DENND1A: variants seen among roughly 807,000 people sequenced by gnomAD.
DENND1A encodes DENN domain-containing protein 1A.
In DENND1A, 51 loss-of-function variants were observed where a neutral mutation model predicts 113.7. The observed-to-expected ratio is 0.45, with a 90% CI of 0.36 to 0.57. The LOEUF is 0.57. Ranked by LOEUF, DENND1A falls within the 20% of genes least tolerant of loss-of-function variation. The pLI is 0.00. For synonymous variants in DENND1A, 565 were observed against 570.8 expected, an observed-to-expected ratio of 0.99 and a Z score of 0.14; for missense variants, 1,258 against 1,395.9, an observed-to-expected ratio of 0.90 and a Z score of 1.57.
At chr9:123,542,608 C>G (rs1034738983) in intron 13 of DENND1A, among the ~76,000 whole-genome samples, 1 of 152,120 alleles carries the variant, frequency 6.6e-6, no homozygotes, top group African/African-American at 2.4e-5. Context: ...AGCTGGTTTC[C>G]GCTTGGTTTG....
chr9:123,882,607 C>T (rs1188702384), intron 1 of DENND1A, among the ~76,000 whole-genome samples: 1 of 152,174 alleles, frequency 6.6e-6, no homozygotes, highest in African/African-American at 2.4e-5. Flanking sequence ...TACTGCAGCA[C>T]CCTCCTGATG....
intron 2 of DENND1A, among the ~76,000 whole-genome samples, chr9:123,806,278 CAG>C (rs1344898733): frequency 1.4e-5 from 2 of 146,604 alleles, no homozygotes; most frequent in African/African-American, 5.1e-5. Flanking sequence ...TTTATTGAGA[CAG>C]AGTCTCGCTC....
intron 1 of DENND1A, among the ~76,000 whole-genome samples, chr9:123,885,920 C>T (rs1175841457): frequency 1.3e-5 from 2 of 152,142 alleles, no homozygotes; most frequent in Non-Finnish European, 2.9e-5. Context: ...GCTGGGATTA[C>T]AGGCACCTGC....
intron 4 of DENND1A, among the ~76,000 whole-genome samples, chr9:123,760,572 G>C (rs2070953151): frequency 6.6e-6 from 1 of 152,212 alleles, no homozygotes; most frequent in South Asian, 2.1e-4. Context: ...TACACAGCCA[G>C]GAGAAGAAAC....
intron 5 of DENND1A, among the ~76,000 whole-genome samples, chr9:123,696,632 G>C (rs1168318273): frequency 6.8e-6 from 1 of 147,126 alleles, no homozygotes; most frequent in Non-Finnish European, 1.5e-5. Context: ...GGAGGAGACA[G>C]AGTTTATTCT....
intron 13 of DENND1A, among the ~76,000 whole-genome samples, chr9:123,533,906 T>C (rs1334848233): frequency 6.6e-6 from 1 of 152,226 alleles, no homozygotes; most frequent in African/African-American, 2.4e-5. Flanking sequence ...TCAAGTCATA[T>C]TTCAAGATCC....
intron 13 of DENND1A, among the ~76,000 whole-genome samples, chr9:123,507,993 C>G (rs1211587966): frequency 6.6e-6 from 1 of 152,134 alleles, no homozygotes; most frequent in African/African-American, 2.4e-5. Flanking sequence ...CTTTCAAGTT[C>G]TAGCATCAAA....
intron 2 of DENND1A, among the ~76,000 whole-genome samples, chr9:123,864,473 G>A (rs1040369238): frequency 6.6e-6 from 1 of 152,192 alleles, no homozygotes; most frequent in Non-Finnish European, 1.5e-5. Flanking sequence ...GGCTGACGCC[G>A]AGGCCCGGGG....
intron 2 of DENND1A, among the ~76,000 whole-genome samples, chr9:123,808,268 T>C (rs1166950193): frequency 6.6e-6 from 1 of 151,890 alleles, no homozygotes; most frequent in South Asian, 2.1e-4. Context: ...AAACCTATCA[T>C]CTTAATCATT....
chr9:123,494,909 A>G (rs1294401566), intron 13 of DENND1A, among the ~76,000 whole-genome samples: 2 of 152,054 alleles, frequency 1.3e-5, no homozygotes, highest in Middle Eastern at 3.2e-3. Context: ...CTCATGCCTC[A>G]GCCTCCTGAG....
intron 5 of DENND1A, among the ~76,000 whole-genome samples, chr9:123,679,978 G>A (rs2064336934): frequency 6.6e-6 from 1 of 152,116 alleles, no homozygotes; most frequent in Admixed American, 6.5e-5. Flanking sequence ...TCTGTCCAAG[G>A]CTGTGGCACA....
At chr9:123,627,736 T>C (rs1392871102) in intron 10 of DENND1A, among the ~76,000 whole-genome samples, 1 of 116,702 alleles carries the variant, frequency 8.6e-6, no homozygotes, top group East Asian at 2.4e-4. Flanking sequence ...CAAAACTCTG[T>C]CTCAAAAAAA....
At chr9:123,840,229 T>C (rs754011235) in intron 2 of DENND1A, among the ~76,000 whole-genome samples, 4 of 152,098 alleles carry the variant, frequency 2.6e-5, no homozygotes, top group Non-Finnish European at 5.9e-5. Context: ...CTGGACATCA[T>C]TAAAATGTAA....
chr9:123,884,380 T>A (rs1388603439), intron 1 of DENND1A, among the ~76,000 whole-genome samples: 2 of 152,124 alleles, frequency 1.3e-5, no homozygotes. Flanking sequence ...TGGACCCAAG[T>A]TTTCCCAGAA....
At chr9:123,611,171 T>TTTCTTC (rs377467993) in intron 10 of DENND1A, among the ~76,000 whole-genome samples, 1 of 152,108 alleles carries the variant, frequency 6.6e-6, no homozygotes, top group Non-Finnish European at 1.5e-5. Context: ...GGAGTTGTCT[T>TTTCTTC]TTCTTCTTCT....
chr9:123,499,226 G>T (rs75538534), intron 13 of DENND1A, among the ~76,000 whole-genome samples: 6,810 of 151,766 alleles, frequency 0.045, 495 homozygotes, highest in African/African-American at 0.16. Flanking sequence ...TAGAGAGGGG[G>T]TTTCACCACG....
At chr9:123,905,114 G>C (rs1230692) in intron 1 of DENND1A, among the ~76,000 whole-genome samples, 1 of 150,396 alleles carries the variant, frequency 6.6e-6, no homozygotes, top group Non-Finnish European at 1.5e-5. Context: ...ACTAAGCTTC[G>C]TAAGTGAAGG....
intron 9 of DENND1A, among the ~76,000 whole-genome samples, chr9:123,635,014 G>C (rs1332667397): frequency 6.6e-6 from 1 of 152,096 alleles, no homozygotes; most frequent in Non-Finnish European, 1.5e-5. Flanking sequence ...AAAGGGAGAC[G>C]AGGAGAAGGC....
intron 6 of DENND1A, among the ~76,000 whole-genome samples, chr9:123,675,446 T>A (rs1159568445): frequency 6.6e-6 from 1 of 152,196 alleles, no homozygotes; most frequent in Non-Finnish European, 1.5e-5. Context: ...TTCCCTTCCC[T>A]GGACCCCAGT....
Sources: allele counts gnomAD v4.1 joint callset (sites outside exome capture counted in the v4.1 genomes callset), GRCh38; gene constraint gnomAD v4.1.1; transcripts MANE v1.5; gene names NCBI Gene and HGNC (gene_info 2026-07-23, HGNC 2026-07-21).